Variants in HPSE2 observed in about 807,000 individuals in gnomAD.
The protein encoded by HPSE2 is inactive heparanase-2.
In HPSE2, 38 loss-of-function variants were observed where a neutral mutation model predicts 60.5. That is an observed-to-expected ratio of 0.63 (90% CI 0.48 to 0.82). The LOEUF (loss-of-function observed/expected upper bound fraction) is 0.82, where lower values mean the gene tolerates loss of function less well. Among genes scored for constraint, HPSE2 ranks in the 40% least tolerant of loss-of-function variants. The pLI is 0.00. For synonymous variants in HPSE2, 295 were observed against 293.2 expected, an observed-to-expected ratio of 1.01 and a Z score of -0.06; for missense variants, 713 against 740.4, an observed-to-expected ratio of 0.96 and a Z score of 0.43.
the HPSE2 span, among the ~76,000 whole-genome samples, chr10:99,274,240 G>A: frequency 1.4e-4 from 22 of 151,942 alleles, no homozygotes; most frequent in Admixed American, 3.3e-4. Context: ...CCAGCTACTC[G>A]GGAGGCTGAG....
At chr10:98,620,579 G>T (rs779095159) in intron 8 of HPSE2, 23 bp downstream of exon 8, 2 of 1,559,258 alleles carry the variant, frequency 1.3e-6, no homozygotes, top group South Asian at 1.1e-5. Context: ...GCCCCTGGGG[G>T]TGAACTTGCA....
chr10:98,678,440 G>C (rs1423852819), intron 6 of HPSE2, among the ~76,000 whole-genome samples: 1 of 152,114 alleles, frequency 6.6e-6, no homozygotes, highest in East Asian at 1.9e-4. Context: ...TCCCATTCCC[G>C]AAGTTTATGG....
At chr10:98,721,250 A>C (rs1948915745) in intron 5 of HPSE2, among the ~76,000 whole-genome samples, 1 of 151,808 alleles carries the variant, frequency 6.6e-6, no homozygotes, top group Non-Finnish European at 1.5e-5. Flanking sequence ...AGTGTTTTGC[A>C]ACTTTTTAAC....
intron 3 of HPSE2, among the ~76,000 whole-genome samples, chr10:99,124,156 C>G (rs1159995578): frequency 6.6e-6 from 1 of 152,184 alleles, no homozygotes; most frequent in African/African-American, 2.4e-5. Context: ...GAGAGGAGAC[C>G]TGGAGTGGGT....
intron 4 of HPSE2, among the ~76,000 whole-genome samples, chr10:98,732,395 T>C (rs72842305): frequency 0.02 from 2,984 of 152,276 alleles, 50 homozygotes; most frequent in Non-Finnish European, 0.029. Flanking sequence ...TTTGTAAAGC[T>C]ATTGTAATTA....
chr10:98,572,859 G>C (rs527822), intron 9 of HPSE2, among the ~76,000 whole-genome samples: 129,022 of 152,216 alleles, frequency 0.85, 55,999 homozygotes, highest in East Asian at 1. Flanking sequence ...AAGTGAAGTG[G>C]AGGGTTCTAA....
chr10:98,947,776 C>T (rs1386020768), intron 3 of HPSE2, among the ~76,000 whole-genome samples: 1 of 152,130 alleles, frequency 6.6e-6, no homozygotes, highest in Non-Finnish European at 1.5e-5. Flanking sequence ...TAAATACAAG[C>T]TACCCACCTT....
chr10:98,635,418 C>A (rs1200380527), intron 7 of HPSE2, among the ~76,000 whole-genome samples: 2 of 152,132 alleles, frequency 1.3e-5, no homozygotes, highest in African/African-American at 2.4e-5. Flanking sequence ...CAAAGAGATA[C>A]CTGCACTCTC....
chr10:99,095,845 C>T (rs1843701106), intron 3 of HPSE2, among the ~76,000 whole-genome samples: 1 of 152,142 alleles, frequency 6.6e-6, no homozygotes, highest in Admixed American at 6.5e-5. Context: ...TATTTGTATA[C>T]AAGTTTTTGT....
intron 9 of HPSE2, among the ~76,000 whole-genome samples, chr10:98,583,876 T>C (rs900679031): frequency 6.6e-6 from 1 of 152,230 alleles, no homozygotes; most frequent in African/African-American, 2.4e-5. Context: ...TGCATGGACA[T>C]ACCACATTTC....
intron 6 of HPSE2, among the ~76,000 whole-genome samples, chr10:98,679,699 G>T (rs548855169): frequency 6.6e-6 from 1 of 151,884 alleles, no homozygotes; most frequent in Non-Finnish European, 1.5e-5. Context: ...TTTAGTTTTC[G>T]TTTTCTGAGA....
chr10:99,111,681 G>T (rs1484080259), intron 3 of HPSE2, among the ~76,000 whole-genome samples: 1 of 152,172 alleles, frequency 6.6e-6, no homozygotes, highest in African/African-American at 2.4e-5. Flanking sequence ...GAAAGCATCA[G>T]ATACTACCAA....
At chr10:98,549,141 G>T (rs1052184788) in intron 9 of HPSE2, among the ~76,000 whole-genome samples, 1 of 151,992 alleles carries the variant, frequency 6.6e-6, no homozygotes, top group Non-Finnish European at 1.5e-5. Context: ...TTCTGGAATC[G>T]AATTACCTGG....
intron 10 of HPSE2, among the ~76,000 whole-genome samples, chr10:98,484,300 C>T (rs1330293379): frequency 2.0e-5 from 3 of 151,950 alleles, no homozygotes; most frequent in Non-Finnish European, 4.4e-5. Context: ...TGCAGTGGCA[C>T]GATCTGGGCT....
At chr10:98,828,657 T>G (rs1013608190) in intron 3 of HPSE2, among the ~76,000 whole-genome samples, 3 of 152,170 alleles carry the variant, frequency 2.0e-5, no homozygotes, top group Non-Finnish European at 4.4e-5. Flanking sequence ...GAGATGTCAC[T>G]TCACATCCAT....
At chr10:99,200,879 T>C (rs1330632246) in intron 2 of HPSE2, among the ~76,000 whole-genome samples, 1 of 152,188 alleles carries the variant, frequency 6.6e-6, no homozygotes, top group Non-Finnish European at 1.5e-5. Flanking sequence ...AGAAGGTATC[T>C]CACATACAAA....
chr10:98,647,455 T>C (rs1946802483), intron 6 of HPSE2, among the ~76,000 whole-genome samples: 1 of 152,226 alleles, frequency 6.6e-6, no homozygotes, highest in Non-Finnish European at 1.5e-5. Context: ...CGGACTTATT[T>C]TGCTCCCTGC....
chr10:99,089,295 T>C (rs1188350722), intron 3 of HPSE2, among the ~76,000 whole-genome samples: 1 of 152,244 alleles, frequency 6.6e-6, no homozygotes, highest in Non-Finnish European at 1.5e-5. Flanking sequence ...CTAGAATCTT[T>C]ATGGTTTCAG....
At chr10:99,234,798 T>C (rs1849783540) in intron 1 of HPSE2, among the ~76,000 whole-genome samples, 1 of 151,562 alleles carries the variant, frequency 6.6e-6, no homozygotes, top group Non-Finnish European at 1.5e-5. Flanking sequence ...ATTTTTTTTT[T>C]CCTTTAAAGA....
Sources: allele counts gnomAD v4.1 joint callset (sites outside exome capture counted in the v4.1 genomes callset), GRCh38; gene constraint gnomAD v4.1.1; transcripts MANE v1.5; gene names NCBI Gene and HGNC (gene_info 2026-07-23, HGNC 2026-07-21).